CCSER1: variants seen among roughly 807,000 people sequenced by gnomAD.
CCSER1 encodes serine-rich coiled-coil domain-containing protein 1.
CCSER1 carries 41 observed loss-of-function variants against 82.0 expected under a neutral mutation model. The observed-to-expected ratio is 0.50, with a 90% confidence interval of 0.39 to 0.65. The LOEUF is 0.65. Among genes scored for constraint, CCSER1 ranks in the 30% least tolerant of loss-of-function variants. The pLI is 0.00. For missense variants in CCSER1, 1,119 were observed against 1,064.2 expected (o/e 1.05, Z -0.72); for synonymous variants, 414 against 383.9 (o/e 1.08, Z -0.92).
chr4:90,302,399 G>A (rs974061015), intron 1 of CCSER1, among the ~76,000 whole-genome samples: 4 of 152,170 alleles, frequency 2.6e-5, no homozygotes, highest in African/African-American at 9.7e-5. Flanking sequence ...CAACTTGGAA[G>A]AGGCAATGTT....
intron 10 of CCSER1, among the ~76,000 whole-genome samples, chr4:91,349,691 A>C (rs909067893): frequency 2.0e-5 from 3 of 151,154 alleles, no homozygotes; most frequent in Non-Finnish European, 2.9e-5. Flanking sequence ...CCCCTGCTGG[A>C]AGCAAGAGAG....
At chr4:90,485,382 C>T (rs914351458) in intron 5 of CCSER1, among the ~76,000 whole-genome samples, 12 of 152,158 alleles carry the variant, frequency 7.9e-5, no homozygotes, top group African/African-American at 2.4e-4. Context: ...ACCCACTGTC[C>T]TGCACCCACT....
intron 10 of CCSER1, among the ~76,000 whole-genome samples, chr4:91,433,123 G>A (rs1257229664): frequency 6.6e-6 from 1 of 152,032 alleles, no homozygotes; most frequent in South Asian, 2.1e-4. Flanking sequence ...ATAATTTTTA[G>A]TTATATGAAT....
At chr4:91,225,791 A>G (rs1738150450) in intron 10 of CCSER1, among the ~76,000 whole-genome samples, 1 of 151,828 alleles carries the variant, frequency 6.6e-6, no homozygotes, top group Admixed American at 6.6e-5. Context: ...GACATTGGGT[A>G]AATTGTCTTA....
intron 10 of CCSER1, among the ~76,000 whole-genome samples, chr4:91,386,679 C>T (rs796425103): frequency 3.9e-5 from 6 of 151,988 alleles, no homozygotes; most frequent in Admixed American, 1.3e-4. Flanking sequence ...GGAAGCTGGA[C>T]GGCACTTTAT....
intron 1 of CCSER1, among the ~76,000 whole-genome samples, chr4:90,237,120 A>C (rs1454586018): frequency 2.0e-5 from 3 of 152,196 alleles, no homozygotes; most frequent in African/African-American, 7.2e-5. Flanking sequence ...GAGAGAAATC[A>C]AATATAATTG....
intron 5 of CCSER1, among the ~76,000 whole-genome samples, chr4:90,474,984 T>A (rs1764863033): frequency 6.6e-6 from 1 of 152,244 alleles, no homozygotes; most frequent in South Asian, 2.1e-4. Context: ...GTTTAATGAA[T>A]GGAGAGTCAT....
intron 10 of CCSER1, among the ~76,000 whole-genome samples, chr4:91,337,085 G>A (rs1207449385): frequency 2.0e-5 from 3 of 152,060 alleles, no homozygotes. Context: ...ACAGATGTTA[G>A]TTTATCCAAC....
intron 3 of CCSER1, among the ~76,000 whole-genome samples, chr4:90,339,564 T>G (rs1741018131): frequency 6.6e-6 from 1 of 152,162 alleles, no homozygotes; most frequent in African/African-American, 2.4e-5. Flanking sequence ...TTTATCCTTC[T>G]TAATTTTTCT....
intron 3 of CCSER1, among the ~76,000 whole-genome samples, chr4:90,314,928 C>G (rs1033505010): frequency 3.6e-5 from 5 of 137,954 alleles, no homozygotes; most frequent in Admixed American, 8.2e-5. Context: ...TTCACTGCAA[C>G]CTCTACCTCC....
intron 3 of CCSER1, among the ~76,000 whole-genome samples, chr4:90,399,216 C>G (rs746249461): frequency 5.9e-4 from 90 of 152,166 alleles, no homozygotes; most frequent in Admixed American, 1.1e-3. Context: ...GCAATTCCTG[C>G]CTGTGCACTT....
At chr4:91,220,995 A>G (rs1737698989) in intron 10 of CCSER1, among the ~76,000 whole-genome samples, 1 of 152,178 alleles carries the variant, frequency 6.6e-6, no homozygotes, top group African/African-American at 2.4e-5. Context: ...CAATACAGAT[A>G]TATTAATTTA....
intron 9 of CCSER1, among the ~76,000 whole-genome samples, chr4:90,987,315 G>T (rs554578618): frequency 6.6e-6 from 1 of 150,720 alleles, no homozygotes; most frequent in East Asian, 2.0e-4. Context: ...ATTTTGACTG[G>T]GTCTTGTAGT....
At chr4:91,597,285 G>T (rs1393003817) in intron 10 of CCSER1, among the ~76,000 whole-genome samples, 1 of 152,036 alleles carries the variant, frequency 6.6e-6, no homozygotes. Context: ...AGCAATAGCA[G>T]AGTGTTGGAA....
rs76841682 is a variant in CCSER1, at chr4:90,694,455, A to G, written c.1933-29459A>G. 5.9e-4 allele frequency among the ~76,000 whole-genome samples: 90 copies of G among 152,126 alleles called. 1 individual carries two copies. The East Asian group carries it at 0.017, about 29-fold the overall frequency. ...AGGCAGTTGATTTACTGAGTCTGCA[A>G]TAGATGCTAACTTTCCCTGGTTGAT... On this transcript the variant is annotated intron_variant, in intron 6 of 10. Coordinates refer to ENST00000509176, the MANE Select transcript of CCSER1 (RefSeq NM_001145065.2).
chr4:91,082,676 A>T (rs1238913657), intron 9 of CCSER1, among the ~76,000 whole-genome samples: 1 of 152,190 alleles, frequency 6.6e-6, no homozygotes, highest in Non-Finnish European at 1.5e-5. Flanking sequence ...CAAAGGGCTA[A>T]TATCCAGAAT....
Position 90,972,748 on chromosome 4 carries a change from C to T in CCSER1, c.2172+49301C>T, listed in dbSNP as rs367565922. On this transcript the variant is annotated intron_variant, in intron 9 of 10. Coordinates refer to ENST00000509176, the MANE Select transcript of CCSER1 (RefSeq NM_001145065.2). Reference sequence around the variant, plus strand: ...AAGAAAGCTGGAGGCATCACAATTCCTGATCTCAAAATATATTATTAAAAT... The same window carrying T: ...AAGAAAGCTGGAGGCATCACAATTCTTGATCTCAAAATATATTATTAAAAT... Among the ~76,000 whole-genome samples the T allele has an allele frequency of 5.3e-5, 8 of 151,710 alleles. No individual in the cohort carries two copies. In the East Asian group the frequency reaches 1.4e-3, roughly 26 times the overall value.
intron 5 of CCSER1, among the ~76,000 whole-genome samples, chr4:90,593,137 T>G (rs1376753492): frequency 1.3e-5 from 2 of 152,170 alleles, no homozygotes; most frequent in African/African-American, 2.4e-5. Flanking sequence ...GGAACTTACT[T>G]TGGATTTATT....
chr4:91,376,893 A>G (rs941035789), intron 10 of CCSER1, among the ~76,000 whole-genome samples: 9 of 76,070 alleles, frequency 1.2e-4, no homozygotes, highest in Non-Finnish European at 2.0e-4. Context: ...ATCTCCTAAT[A>G]CTATCCCTCC....
Sources: gnomAD v4.1 joint callset for allele counts (sites outside exome capture counted in the v4.1 genomes callset) on GRCh38, gnomAD v4.1.1 for gene constraint, MANE v1.5 for transcripts, NCBI Gene and HGNC (gene_info 2026-07-23, HGNC 2026-07-21) for gene names.